Variants in ZNF385D observed in about 807,000 individuals in gnomAD.
The protein encoded by ZNF385D is zinc finger protein 659.
In ZNF385D, 15 loss-of-function variants were observed where a neutral mutation model predicts 35.8. That is an observed-to-expected ratio of 0.42 (90% CI 0.28 to 0.64). The LOEUF (loss-of-function observed/expected upper bound fraction) is 0.64, where lower values mean the gene tolerates loss of function less well. ZNF385D is among the 30% of genes least tolerant of loss of function. ZNF385D has a pLI of 0.23. For missense variants in ZNF385D, 474 were observed against 494.6 expected (o/e 0.96, Z 0.39); for synonymous variants, 212 against 186.8 (o/e 1.13, Z -1.10).
intron 1 of ZNF385D, among the ~76,000 whole-genome samples, chr3:21,703,295 A>G (rs1442874551): frequency 6.6e-6 from 1 of 152,142 alleles, no homozygotes; most frequent in African/African-American, 2.4e-5. Flanking sequence ...ATGAGACTTA[A>G]TCACTATCAC....
chr3:22,266,611 C>G (rs1460852127), intron 2 of ZNF385D, among the ~76,000 whole-genome samples: 1 of 151,824 alleles, frequency 6.6e-6, no homozygotes, highest in Non-Finnish European at 1.5e-5. Flanking sequence ...GGGAACTTTG[C>G]CAGTCAAAGG....
At chr3:22,184,520 C>A (rs1695495579) in intron 2 of ZNF385D, among the ~76,000 whole-genome samples, 1 of 152,002 alleles carries the variant, frequency 6.6e-6, no homozygotes, top group Non-Finnish European at 1.5e-5. Context: ...CTTGATGGTA[C>A]TAGATTCAAG....
intron 1 of ZNF385D, among the ~76,000 whole-genome samples, chr3:21,734,777 T>C (rs1222385661): frequency 6.6e-6 from 1 of 152,196 alleles, no homozygotes; most frequent in Non-Finnish European, 1.5e-5. Flanking sequence ...CATATGTGTC[T>C]CTGTGTTGTG....
chr3:21,895,060 A>T (rs1699063530), intron 3 of ZNF385D, among the ~76,000 whole-genome samples: 1 of 152,106 alleles, frequency 6.6e-6, no homozygotes, highest in South Asian at 2.1e-4. Flanking sequence ...GCTACGCAAC[A>T]GATGGTAAAA....
intron 3 of ZNF385D, among the ~76,000 whole-genome samples, chr3:21,881,737 C>T (rs1459549900): frequency 6.6e-6 from 1 of 151,954 alleles, no homozygotes; most frequent in East Asian, 1.9e-4. Context: ...AACTGAAAAC[C>T]TTCTGGAAAG....
intron 3 of ZNF385D, among the ~76,000 whole-genome samples, chr3:22,167,426 C>T (rs765667082): frequency 1.1e-4 from 17 of 152,210 alleles, no homozygotes; most frequent in Non-Finnish European, 2.1e-4. Flanking sequence ...CACGCATCCC[C>T]TCTCCACTGA....
intron 2 of ZNF385D, among the ~76,000 whole-genome samples, chr3:22,269,885 T>C (rs1701085460): frequency 6.6e-6 from 1 of 151,822 alleles, no homozygotes; most frequent in African/African-American, 2.4e-5. Flanking sequence ...TTGTATTGTC[T>C]CCTTAAGATC....
chr3:21,953,107 G>A (rs995145668), intron 3 of ZNF385D, among the ~76,000 whole-genome samples: 11 of 151,900 alleles, frequency 7.2e-5, no homozygotes, highest in Non-Finnish European at 1.5e-4. Context: ...GTACTCTACA[G>A]TATTATCTTC....
Position 21,655,556 on chromosome 3 carries a change from G to C in ZNF385D, c.165+9330C>G, listed in dbSNP as rs557270416. 1.2e-4 allele frequency among the ~76,000 whole-genome samples: 18 copies of C among 152,090 alleles called. No homozygotes were observed. In the South Asian group the frequency reaches 2.7e-3, roughly 23 times the overall value. On this transcript the variant is annotated intron_variant, in intron 2 of 7. Transcript: ENST00000281523. ...ATCTTTACTGTCCACTGATGTCCTA[G>C]ACGCTCTTTTTTATAGTCATTCAAT... is the stretch of plus-strand genomic sequence containing the variant.
chr3:21,715,905 G>T (rs1324045288), intron 1 of ZNF385D, among the ~76,000 whole-genome samples: 1 of 152,052 alleles, frequency 6.6e-6, no homozygotes, highest in Non-Finnish European at 1.5e-5. Flanking sequence ...TATTTTAAAA[G>T]CCTTGCATGT....
chr3:22,357,891 A>T (rs1478786720), intron 2 of ZNF385D, among the ~76,000 whole-genome samples: 1 of 151,934 alleles, frequency 6.6e-6, no homozygotes, highest in African/African-American at 2.4e-5. Context: ...CAATTCTTCC[A>T]GGTGATCAGA....
chr3:22,183,457 A>G (rs1353279789), intron 2 of ZNF385D, among the ~76,000 whole-genome samples: 1 of 152,052 alleles, frequency 6.6e-6, no homozygotes, highest in Non-Finnish European at 1.5e-5. Flanking sequence ...TCCCGGGTTC[A>G]AGCGATTCTC....
intron 4 of ZNF385D, among the ~76,000 whole-genome samples, chr3:21,455,823 T>A (rs943006047): frequency 3.3e-5 from 5 of 151,662 alleles, no homozygotes; most frequent in East Asian, 3.9e-4. Flanking sequence ...TGGGAAAAAA[T>A]TTTCGCAATC....
At chr3:21,907,613 T>A (rs908028018) in intron 3 of ZNF385D, among the ~76,000 whole-genome samples, 1 of 152,104 alleles carries the variant, frequency 6.6e-6, no homozygotes, top group Non-Finnish European at 1.5e-5. Flanking sequence ...TGGAATCCGT[T>A]AAAAGGAGAT....
rs117278337 is a variant in ZNF385D, at chr3:22,323,243, T to C, written c.106+49207A>G. On this transcript the variant is annotated intron_variant, in intron 2 of 5. Coordinates refer to the ZNF385D transcript ENST00000494108. ...ACAAGTTTCAGTGGATCAAGTTCTT[T>C]CCAGGATCTCTCCCTTCCTGACCCT... 7.5e-3 allele frequency among the ~76,000 whole-genome samples: 1,137 copies of C among 152,258 alleles called. 34 individuals carry two copies. The East Asian group carries it at 0.093, about 12-fold the overall frequency.
intron 3 of ZNF385D, among the ~76,000 whole-genome samples, chr3:21,805,305 G>A (rs1452080884): frequency 6.6e-6 from 1 of 151,186 alleles, no homozygotes; most frequent in African/African-American, 2.4e-5. Flanking sequence ...TCTTGTAAAT[G>A]TGGGTGTTTA....
At chr3:21,991,540 C>T (rs1695147577) in intron 3 of ZNF385D, among the ~76,000 whole-genome samples, 1 of 152,126 alleles carries the variant, frequency 6.6e-6, no homozygotes, top group South Asian at 2.1e-4. Flanking sequence ...TTGTGTTATT[C>T]CCATCATTTA....
chr3:21,596,162 C>A (rs2064122126), intron 2 of ZNF385D, among the ~76,000 whole-genome samples: 1 of 152,112 alleles, frequency 6.6e-6, no homozygotes, highest in South Asian at 2.1e-4. Context: ...AGAAAGTTAT[C>A]CAAAGTTTGT....
intron 2 of ZNF385D, among the ~76,000 whole-genome samples, chr3:22,178,039 A>AAAC (rs2125773573): frequency 6.6e-6 from 1 of 152,314 alleles, no homozygotes; most frequent in South Asian, 2.1e-4. Flanking sequence ...CTGCCGCATT[A>AAAC]AACATATGTG....
Sources: allele counts gnomAD v4.1 joint callset (sites outside exome capture counted in the v4.1 genomes callset), GRCh38; gene constraint gnomAD v4.1.1; transcripts MANE v1.5; gene names NCBI Gene and HGNC (gene_info 2026-07-23, HGNC 2026-07-21).